STYXL1: variants seen among roughly 807,000 people sequenced by gnomAD.
The protein encoded by STYXL1 is serine/threonine/tyrosine interacting like 1.
In STYXL1, 32 loss-of-function variants were observed where a neutral mutation model predicts 36.4. The observed-to-expected ratio is 0.88, with a 90% CI of 0.66 to 1.18. STYXL1 has a LOEUF of 1.18. Among genes scored for constraint, STYXL1 ranks in the 50% most tolerant of loss-of-function variants. The probability of loss-of-function intolerance (pLI) is 0.00; values close to 1 mark genes in which losing one functional copy is unlikely to be tolerated. For synonymous variants in STYXL1, 133 were observed against 144.1 expected, an observed-to-expected ratio of 0.92 and a Z score of 0.55; for missense variants, 354 against 394.1, an observed-to-expected ratio of 0.90 and a Z score of 0.86.
At chr7:75,999,503 G>A (rs1357722252) in intron 8 of STYXL1, among the ~76,000 whole-genome samples, 1 of 79,102 alleles carries the variant, frequency 1.3e-5, no homozygotes, top group African/African-American at 5.4e-5. Context: ...GTGTGTGTGT[G>A]TGTGTGTATG....
intron 1 of STYXL1, among the ~76,000 whole-genome samples, chr7:76,040,527 C>T (rs1796376264): frequency 6.6e-6 from 1 of 152,100 alleles, no homozygotes; most frequent in African/African-American, 2.4e-5. Flanking sequence ...AGGTAGGAGG[C>T]CCAAATAAAA....
intron 5 of STYXL1, among the ~76,000 whole-genome samples, chr7:76,009,320 C>T (rs1417823816): frequency 2.6e-5 from 4 of 151,436 alleles, no homozygotes; most frequent in Non-Finnish European, 4.4e-5. Flanking sequence ...TCACAGCCCC[C>T]GTCACCCACG....
chr7:76,025,492 T>G (rs1243428823), intron 3 of STYXL1, among the ~76,000 whole-genome samples: 3 of 152,032 alleles, frequency 2.0e-5, no homozygotes, highest in African/African-American at 7.2e-5. Flanking sequence ...CAATGGGGAT[T>G]AAGAGTAAGA....
At chr7:76,042,955 G>C (rs1190664235) in intron 1 of STYXL1, among the ~76,000 whole-genome samples, 1 of 152,134 alleles carries the variant, frequency 6.6e-6, no homozygotes, top group Non-Finnish European at 1.5e-5. Flanking sequence ...CCTTGGGCTG[G>C]AAATCTGAGG....
Position 76,000,878 on chromosome 7 carries a change from G to A in STYXL1, c.810+12C>T, listed in dbSNP as rs1554566882. 3 of 1,612,020 alleles carry A rather than the reference G, an allele frequency of 1.9e-6. No homozygotes were observed. The highest frequency in any genetic ancestry group is 4.5e-5 in the East Asian group (2 of 44,866). On this transcript the variant is annotated intron_variant, in intron 8 of 8. Transcript: ENST00000359697. Reference sequence around the variant, plus strand: ...GTGGCCGTGGTGCGAGCCTGGCCCGGGGAACGCATACCTGCAAGGTCTGCT... The same window carrying A: ...GTGGCCGTGGTGCGAGCCTGGCCCGAGGAACGCATACCTGCAAGGTCTGCT...
In STYXL1 at chr7:76,019,024, C is replaced by T. The variant is rs544973688; in HGVS notation, c.307+2827G>A. ...CTTTGATTATTACCATCCCAGTGGG[C>T]GTGAATAATATCTCAATGTGGTTTT... On this transcript the variant is annotated intron_variant, in intron 4 of 8. Coordinates refer to ENST00000359697, the MANE Select transcript of STYXL1 (RefSeq NM_001317785.2). Among the ~76,000 whole-genome samples, 17 of 152,272 alleles carry T rather than the reference C, an allele frequency of 1.1e-4. No homozygotes were observed. The East Asian group carries it at 3.1e-3, about 28-fold the overall frequency.
At chr7:76,002,978 C>G (rs1554568298) in intron 7 of STYXL1, among the ~76,000 whole-genome samples, 1 of 152,134 alleles carries the variant, frequency 6.6e-6, no homozygotes, top group African/African-American at 2.4e-5. Context: ...TGCTCCAGCC[C>G]CTGGTACAGT....
intron 8 of STYXL1, chr7:75,999,104 C>CTCCA (rs1790475096): frequency 6.3e-6 from 1 of 157,612 alleles, no homozygotes; most frequent in Admixed American, 6.5e-5. Flanking sequence ...TGCTACTGTA[C>CTCCA]TCCAGCCTGG....
At chr7:76,025,057 C>T (rs1794527295) in intron 3 of STYXL1, among the ~76,000 whole-genome samples, 1 of 147,722 alleles carries the variant, frequency 6.8e-6, no homozygotes, top group Admixed American at 7.0e-5. Flanking sequence ...CAGCACAGTG[C>T]TGCTAAGGTG....
intron 1 of STYXL1, among the ~76,000 whole-genome samples, chr7:76,038,582 C>T (rs531308922): frequency 1.3e-5 from 2 of 151,472 alleles, no homozygotes; most frequent in Admixed American, 6.6e-5. Context: ...TCTGCCACCA[C>T]GCCTGGCTTT....
At chr7:76,044,635 C>G (rs1796773252) in intron 1 of STYXL1, 1 of 152,148 alleles carries the variant, frequency 6.6e-6, no homozygotes, top group Non-Finnish European at 1.5e-5. Context: ...TCAACTCTCC[C>G]CCTCTACAGA....
intron 1 of STYXL1, 77 bp from the exon 2 acceptor site, chr7:76,030,604 A>C (rs141103917): frequency 1.8e-4 from 161 of 874,470 alleles, no homozygotes; most frequent in Non-Finnish European, 3.0e-4. Flanking sequence ...ATAATGAATT[A>C]AACTCTTTTT....
chr7:76,018,651 A>G (rs1183893258), intron 4 of STYXL1, among the ~76,000 whole-genome samples: 1 of 152,154 alleles, frequency 6.6e-6, no homozygotes, highest in Non-Finnish European at 1.5e-5. Flanking sequence ...TTGGCCTTCC[A>G]AAGTGCTGGG....
At chr7:76,003,266 A>C (rs782223466) in intron 7 of STYXL1, among the ~76,000 whole-genome samples, 3 of 152,180 alleles carry the variant, frequency 2.0e-5, no homozygotes, top group African/African-American at 7.2e-5. Flanking sequence ...CAAGACCCCA[A>C]CTCCACCAAC....
At chr7:76,003,215 C>G (rs1329471706) in intron 7 of STYXL1, among the ~76,000 whole-genome samples, 2 of 152,178 alleles carry the variant, frequency 1.3e-5, no homozygotes, top group Non-Finnish European at 1.5e-5. Context: ...GTAGGAAGAT[C>G]GCTTGAGGCC....
Position 76,000,980 on chromosome 7 carries a change from A to G in STYXL1, c.720T>C (p.Ser240=), listed in dbSNP as rs781995292. 29 of 1,614,028 alleles carry G rather than the reference A, an allele frequency of 1.8e-5. No homozygotes were observed. Among genetic ancestry groups the G allele is most frequent in the Non-Finnish European group, 2.3e-5 (27 of 1,179,980 alleles). Residue 240 remains serine, a synonymous_variant, in exon 8 of 9, where the codon TCT becomes TCC. Transcript: ENST00000359697. ...HFIEIHHHLG[S]VILIFSTQGI... is the part of the protein sequence containing the mutation. ...CTTGGGTGGAAAAGATCAGAATGACAGAGCCAAGGTGATGGTGAATTTCTG... is the reference window on the plus strand; with the variant it reads ...CTTGGGTGGAAAAGATCAGAATGACGGAGCCAAGGTGATGGTGAATTTCTG...
At chr7:76,043,450 T>C (rs901378957) in intron 1 of STYXL1, among the ~76,000 whole-genome samples, 5 of 151,900 alleles carry the variant, frequency 3.3e-5, no homozygotes, top group African/African-American at 1.2e-4. Context: ...CGAGAAGCCA[T>C]TTTAAAGGAA....
chr7:76,024,101 C>T (rs1794391014), intron 3 of STYXL1, among the ~76,000 whole-genome samples: 3 of 152,046 alleles, frequency 2.0e-5, no homozygotes, highest in Non-Finnish European at 4.4e-5. Flanking sequence ...TCGTCTCAAA[C>T]TCTTGAGCTC....
At chr7:76,046,277 TGTGTGTGTGTGTGTGTGTGTGTGTGTG>T (rs1796966210) in intron 1 of STYXL1, among the ~76,000 whole-genome samples, 1 of 17,962 alleles carries the variant, frequency 5.6e-5, no homozygotes, top group Admixed American at 6.3e-4. Context: ...TTATCTGCTG[TGTGTGTGTGTGTGTGTGTGTGTGTGTG>T]TGTGTGTGTG....
Sources: gnomAD v4.1 joint callset for allele counts (sites outside exome capture counted in the v4.1 genomes callset) on GRCh38, gnomAD v4.1.1 for gene constraint, MANE v1.5 for transcripts, NCBI Gene and HGNC (gene_info 2026-07-23, HGNC 2026-07-21) for gene names.